FARP1: variants seen among roughly 807,000 people sequenced by gnomAD.
FARP1 encodes the protein FERM, ARHGEF and pleckstrin domain-containing protein 1.
In FARP1, 52 loss-of-function variants were observed where a neutral mutation model predicts 128.8. That is an observed-to-expected ratio of 0.40 (90% CI 0.32 to 0.51). The LOEUF is 0.51. Among genes scored for constraint, FARP1 ranks in the 20% least tolerant of loss-of-function variants. The probability of loss-of-function intolerance (pLI) is 0.45; values close to 1 mark genes in which losing one functional copy is unlikely to be tolerated. For missense variants in FARP1, 1,333 were observed against 1,367.9 expected (o/e 0.97, Z 0.40); for synonymous variants, 580 against 551.8 (o/e 1.05, Z -0.72).
At chr13:98,377,603 CAT>C (rs757953807) in intron 5 of FARP1, among the ~76,000 whole-genome samples, 16 of 152,080 alleles carry the variant, frequency 1.1e-4, no homozygotes, top group Non-Finnish European at 1.3e-4. Flanking sequence ...TAAAATGAAA[CAT>C]ATTATTCATA....
At chr13:98,399,687 T>G (rs370473708) in intron 13 of FARP1, 50 of 152,322 alleles carry the variant, frequency 3.3e-4, no homozygotes, top group Middle Eastern at 3.4e-3. Flanking sequence ...AGCCACTCAC[T>G]GGCTGCTCTG....
chr13:98,263,634 A>C (rs928937610), intron 2 of FARP1, among the ~76,000 whole-genome samples: 2 of 152,230 alleles, frequency 1.3e-5, no homozygotes, highest in African/African-American at 4.8e-5. Flanking sequence ...TTGCTCTTTG[A>C]AGCAATCTCT....
At position 98,316,314 on chromosome 13, in the gene FARP1, A is replaced by T. The variant is rs147900545; in HGVS notation, c.172-27448A>T. On this transcript the variant is annotated intron_variant, in intron 2 of 26. Coordinates refer to ENST00000319562, the MANE Select transcript of FARP1 (RefSeq NM_005766.4). Reference sequence around the variant, plus strand: ...CAACAGGGGGTTCCTGTTGGCAGTCAGGCACTGCTGGAAGTTGTTTCCTTG... The same window carrying T: ...CAACAGGGGGTTCCTGTTGGCAGTCTGGCACTGCTGGAAGTTGTTTCCTTG... Among the ~76,000 whole-genome samples the T allele has an allele frequency of 5.3e-3, 813 of 152,318 alleles. 4 individuals are homozygous for T. Among genetic ancestry groups the T allele is most frequent in the Middle Eastern group, 0.037 (11 of 294 alleles).
intron 1 of FARP1, among the ~76,000 whole-genome samples, chr13:98,168,097 G>A (rs1451102162): frequency 6.6e-6 from 1 of 151,872 alleles, no homozygotes; most frequent in Non-Finnish European, 1.5e-5. Context: ...GTGTGAACCC[G>A]GGAGGTGGAG....
intron 17 of FARP1, among the ~76,000 whole-genome samples, chr13:98,430,208 C>T (rs1193673778): frequency 3.3e-5 from 5 of 151,944 alleles, no homozygotes; most frequent in Non-Finnish European, 7.4e-5. Flanking sequence ...GCTGAGATTG[C>T]GCCACTGCAC....
At chr13:98,413,384 C>T (rs978822882) in intron 16 of FARP1, among the ~76,000 whole-genome samples, 6 of 152,196 alleles carry the variant, frequency 3.9e-5, no homozygotes, top group African/African-American at 1.2e-4. Context: ...AAAATGTGGG[C>T]ACAGTGGCTC....
intron 2 of FARP1, among the ~76,000 whole-genome samples, chr13:98,258,794 T>C: frequency 6.6e-6 from 1 of 152,196 alleles, no homozygotes; most frequent in East Asian, 1.9e-4. Context: ...AGATGACAAA[T>C]TCTAGATCAG....
chr13:98,414,777 A>C (rs776787807), intron 16 of FARP1, among the ~76,000 whole-genome samples: 3 of 152,220 alleles, frequency 2.0e-5, no homozygotes, highest in South Asian at 2.1e-4. Flanking sequence ...ACTCCTGCAG[A>C]GCACTACACC....
At chr13:98,188,841 G>A (rs1402762048) in intron 1 of FARP1, among the ~76,000 whole-genome samples, 1 of 152,194 alleles carries the variant, frequency 6.6e-6, no homozygotes, top group Non-Finnish European at 1.5e-5. Context: ...CTGCACATCC[G>A]AGGCTCACCG....
intron 2 of FARP1, among the ~76,000 whole-genome samples, chr13:98,284,181 TG>T (rs1885063080): frequency 6.6e-6 from 1 of 151,836 alleles, no homozygotes; most frequent in South Asian, 2.1e-4. Context: ...ACTTTTTGTG[TG>T]ATTTTTTTTT....
Position 98,379,074 on chromosome 13 carries a change from T to C in FARP1, c.496+1156T>C, listed in dbSNP as rs560075843. On this transcript the variant is annotated intron_variant, in intron 6 of 26. Transcript: ENST00000319562. ...ATCTATATATAATATATAATATATG[T>C]AATATGTAATCTATATATAATATAT... 1.0e-3 allele frequency among the ~76,000 whole-genome samples: 88 copies of C among 85,898 alleles called. 10 individuals carry two copies. Among genetic ancestry groups the C allele is most frequent in the East Asian group, 1.5e-3 (5 of 3,312 alleles). The allele number at this position is 85,898 out of a possible 152,430, so 56.4% of individuals were successfully genotyped here.
chr13:98,258,170 T>C (rs908951390), intron 2 of FARP1, among the ~76,000 whole-genome samples: 3 of 152,136 alleles, frequency 2.0e-5, no homozygotes, highest in African/African-American at 7.2e-5. Flanking sequence ...GGTTTCACCA[T>C]GTTAGCAAGG....
intron 1 of FARP1, among the ~76,000 whole-genome samples, chr13:98,209,230 G>A (rs1339143054): frequency 7.2e-5 from 11 of 151,842 alleles, no homozygotes; most frequent in Non-Finnish European, 1.0e-4. Flanking sequence ...GGATGGTCTC[G>A]ATCTCCTGAC....
rs148309122 is a variant in FARP1, at chr13:98,158,955, C to G, written c.-24+15463C>G. On this transcript the variant is annotated intron_variant, in intron 1 of 26. Transcript: ENST00000319562. ...AAGCCAGCTCCATTCCTTGCTTTCC[C>G]TGGCATAATTTTGGGCCAGGAAGGT... is the stretch of plus-strand genomic sequence containing the variant. Among the ~76,000 whole-genome samples the G allele has an allele frequency of 2.8e-4, 43 of 152,246 alleles. No individual in the cohort carries two copies. In the East Asian group the frequency reaches 8.1e-3, roughly 29 times the overall value.
chr13:98,434,098 A>G (rs1163108537), intron 18 of FARP1: 4 of 152,162 alleles, frequency 2.6e-5, no homozygotes, highest in African/African-American at 9.7e-5. Context: ...ATTGAGGAAG[A>G]GAGTGCTAGC....
chr13:98,411,105 A>G (rs552958915), intron 15 of FARP1, among the ~76,000 whole-genome samples: 5 of 152,346 alleles, frequency 3.3e-5, no homozygotes, highest in Admixed American at 6.5e-5. Context: ...ACCAGTCCAG[A>G]ACATGTCGTG....
intron 2 of FARP1, among the ~76,000 whole-genome samples, chr13:98,278,280 A>C (rs972675670): frequency 1.4e-5 from 2 of 146,392 alleles, no homozygotes; most frequent in Admixed American, 6.7e-5. Flanking sequence ...TATTTTGTGA[A>C]TGTGTGTATG....
At chr13:98,217,547 G>C (rs1881149078) in intron 2 of FARP1, among the ~76,000 whole-genome samples, 1 of 152,216 alleles carries the variant, frequency 6.6e-6, no homozygotes, top group South Asian at 2.1e-4. Flanking sequence ...GACTTAAGTA[G>C]CATTCATCCT....
intron 19 of FARP1, among the ~76,000 whole-genome samples, chr13:98,436,577 A>C (rs890741583): frequency 3.3e-5 from 5 of 152,240 alleles, no homozygotes; most frequent in Non-Finnish European, 7.3e-5. Context: ...TGCCCTGGAA[A>C]CTTGACATCT....
Sources: gnomAD v4.1 joint callset for allele counts (sites outside exome capture counted in the v4.1 genomes callset) on GRCh38, gnomAD v4.1.1 for gene constraint, MANE v1.5 for transcripts, NCBI Gene and HGNC (gene_info 2026-07-23, HGNC 2026-07-21) for gene names.